SSU72: variants seen among roughly 807,000 people sequenced by gnomAD.
SSU72 encodes the protein RNA polymerase II subunit A C-terminal domain phosphatase SSU72.
Under a neutral mutation model 22.7 loss-of-function variants are expected in SSU72, and 12 were observed. That is an observed-to-expected ratio of 0.53 (90% CI 0.34 to 0.86). The LOEUF (loss-of-function observed/expected upper bound fraction) is 0.86. Among genes scored for constraint, SSU72 ranks in the 40% least tolerant of loss-of-function variants. The pLI is 0.02. For missense variants in SSU72, 151 were observed against 249.8 expected (o/e 0.60, Z 2.67); for synonymous variants, 116 against 98.3 (o/e 1.18, Z -1.06).
intron 1 of SSU72, among the ~76,000 whole-genome samples, chr1:1,569,138 C>T (rs1217307336): frequency 6.6e-6 from 1 of 151,536 alleles, no homozygotes; most frequent in Admixed American, 6.6e-5. Flanking sequence ...CTTGCCACTG[C>T]ACTCCAGCCT....
At chr1:1,555,245 ACT>A (rs1272604311) in intron 2 of SSU72, among the ~76,000 whole-genome samples, 7 of 152,034 alleles carry the variant, frequency 4.6e-5, no homozygotes, top group Admixed American at 4.6e-4. Context: ...CCATGGCAAA[ACT>A]CAAAGCACCG....
intron 2 of SSU72, among the ~76,000 whole-genome samples, chr1:1,559,376 C>T (rs540121804): frequency 9.9e-5 from 15 of 152,260 alleles, no homozygotes; most frequent in Admixed American, 4.6e-4. Context: ...ATTGTGGTGA[C>T]GGCTGCAACT....
At chr1:1,559,885 C>T (rs955120156) in intron 2 of SSU72, among the ~76,000 whole-genome samples, 1 of 152,058 alleles carries the variant, frequency 6.6e-6, no homozygotes, top group South Asian at 2.1e-4. Context: ...CCACGATGGC[C>T]GGCTAATTTT....
At chr1:1,558,985 C>G (rs1642552386) in intron 2 of SSU72, among the ~76,000 whole-genome samples, 1 of 152,224 alleles carries the variant, frequency 6.6e-6, no homozygotes, top group Admixed American at 6.5e-5. Flanking sequence ...TGCAAGAAAG[C>G]TCAACTATGG....
chr1:1,570,716 G>C (rs1473914973), intron 1 of SSU72, among the ~76,000 whole-genome samples: 1 of 152,240 alleles, frequency 6.6e-6, no homozygotes. Flanking sequence ...GCAGACAACA[G>C]AACAAGAGCT....
intron 2 of SSU72, chr1:1,562,015 T>C (rs2100717159): frequency 6.6e-6 from 1 of 152,398 alleles, no homozygotes; most frequent in Middle Eastern, 3.4e-3. Context: ...ACAGTCCCTC[T>C]GTAAAGGAGG....
At chr1:1,564,632 A>G (rs1206516029) in intron 2 of SSU72, 141 bp downstream of exon 2, 3 of 1,613,880 alleles carry the variant, frequency 1.9e-6, no homozygotes, top group Admixed American at 1.7e-5. Flanking sequence ...TGCACCAGGA[A>G]TAGAAACCAA....
At chr1:1,572,235 G>C (rs979150396) in intron 1 of SSU72, among the ~76,000 whole-genome samples, 29 of 145,126 alleles carry the variant, frequency 2.0e-4, no homozygotes, top group African/African-American at 6.7e-4. Context: ...AGACCATCCT[G>C]GCTAACATGG....
intron 1 of SSU72, among the ~76,000 whole-genome samples, chr1:1,573,355 G>T (rs1381167104): frequency 6.6e-6 from 1 of 151,014 alleles, no homozygotes; most frequent in Non-Finnish European, 1.5e-5. Context: ...GCTCGATCTC[G>T]GGAGGCACAA....
chr1:1,558,776 C>T (rs887961437), intron 2 of SSU72, among the ~76,000 whole-genome samples: 3 of 152,162 alleles, frequency 2.0e-5, no homozygotes, highest in African/African-American at 4.8e-5. Flanking sequence ...CCTTTCACAA[C>T]GGCCTCTCCC....
At position 1,564,760 on chromosome 1, in the gene SSU72, C is replaced by T; in HGVS notation, c.224+13G>A. On this transcript the variant is annotated intron_variant, in intron 2 of 4. Transcript: ENST00000291386. Reference sequence around the variant, plus strand: ...CACACGGGGGGTTTTTAAAGGGCAACCCGCTGGGATACAGTTCTTTGTCTT... The same window carrying T: ...CACACGGGGGGTTTTTAAAGGGCAATCCGCTGGGATACAGTTCTTTGTCTT... The T allele has an allele frequency of 1.2e-6, 2 of 1,614,184 alleles. No homozygotes were observed. Among genetic ancestry groups the T allele is most frequent in the Non-Finnish European group, 1.7e-6 (2 of 1,180,022 alleles).
At position 1,541,740 on chromosome 1, in the gene SSU72, G is replaced by T. The variant is rs1449530433; in HGVS notation, c.*326C>A. On this transcript the variant is annotated 3_prime_UTR_variant, in exon 5 of 5. Transcript: ENST00000291386. ...ACACGCCGCAGCAGGGCTCTGTACA[G>T]TCCGGCCCGGTGGGGAGGAGGGAGG... 1.1e-5 allele frequency: 4 copies of T among 373,866 alleles called. No homozygotes were observed. The highest frequency in any genetic ancestry group is 2.2e-5 in the South Asian group (1 of 45,354). The allele number at this position is 373,866 out of a possible 1,614,324, so 23.2% of individuals were successfully genotyped here.
intron 2 of SSU72, among the ~76,000 whole-genome samples, chr1:1,556,792 T>G (rs752009938): frequency 6.6e-6 from 1 of 152,160 alleles, no homozygotes; most frequent in Non-Finnish European, 1.5e-5. Context: ...TGCTGCAGAC[T>G]AGGTGAAAAC....
At position 1,564,896 on chromosome 1, in the gene SSU72, C is replaced by T. The variant is rs1264284183; in HGVS notation, c.101G>A (p.Arg34Gln). ...NILSKRGFSV[R>Q]SFGTGTHVKL... ...CACGTGAGTCCCTGTTCCAAAGGAT[C>T]GGACGCTGAATCCCCGTTTGCTGAA... The change falls in exon 2 of 5, where the codon CGA (arginine) becomes CAA (glutamine). Residue 34 changes from arginine (R) to glutamine (Q), a missense_variant. Transcript: ENST00000291386. 6 of 1,606,206 alleles carry T rather than the reference C, an allele frequency of 3.7e-6. No homozygotes were observed. Among genetic ancestry groups the T allele is most frequent in the Admixed American group, 1.7e-5 (1 of 58,614 alleles).
At chr1:1,573,254 T>C (rs1162898861) in intron 1 of SSU72, among the ~76,000 whole-genome samples, 10 of 98,296 alleles carry the variant, frequency 1.0e-4, no homozygotes, top group African/African-American at 6.6e-4. Flanking sequence ...ACTCCGTCTC[T>C]ACTAAAAATA....
chr1:1,560,394 C>T (rs1642573762), intron 2 of SSU72, among the ~76,000 whole-genome samples: 1 of 152,192 alleles, frequency 6.6e-6, no homozygotes, highest in Non-Finnish European at 1.5e-5. Context: ...GAGCCTCCTG[C>T]CTCGGTCTCC....
chr1:1,557,306 A>G lies in SSU72; in HGVS notation c.224+7467T>C, dbSNP rs550082668. On this transcript the variant is annotated intron_variant, in intron 2 of 4. Transcript: ENST00000291386. Reference sequence around the variant, plus strand: ...TGCATGCCTATAATCCCAGCTACTCAGGAGGCTGAGGCAGGAGAATCGTTT... The same window carrying G: ...TGCATGCCTATAATCCCAGCTACTCGGGAGGCTGAGGCAGGAGAATCGTTT... Among the ~76,000 whole-genome samples the G allele has an allele frequency of 1.6e-3, 246 of 152,184 alleles. 1 individual carries two copies. Among genetic ancestry groups the G allele is most frequent in the African/African-American group, 5.6e-3 (231 of 41,514 alleles).
At chr1:1,552,752 G>A (rs1356491513) in intron 2 of SSU72, among the ~76,000 whole-genome samples, 1 of 152,184 alleles carries the variant, frequency 6.6e-6, no homozygotes, top group Non-Finnish European at 1.5e-5. Context: ...CGGGCGCGGT[G>A]CCTCACTCCT....
At position 1,574,819 on chromosome 1, in the gene SSU72, T is replaced by G; in HGVS notation, c.-262A>C. On this transcript the variant is annotated 5_prime_UTR_variant, in exon 1 of 5. Coordinates refer to ENST00000291386, the MANE Select transcript of SSU72 (RefSeq NM_014188.3). ...GCCAACGCCGCGCCGGCCCCCGGCGTCCGCAGCAGAGACCCGCACTCCACA... is the reference window on the plus strand; with the variant it reads ...GCCAACGCCGCGCCGGCCCCCGGCGGCCGCAGCAGAGACCCGCACTCCACA... 1 of 227,898 alleles carries G rather than the reference T, an allele frequency of 4.4e-6. No individual in the cohort carries two copies. The highest frequency in any genetic ancestry group is 4.4e-5 in the South Asian group (1 of 22,574). The allele number at this position is 227,898 out of a possible 1,614,324, so 14.1% of individuals were successfully genotyped here.
Sources: allele counts gnomAD v4.1 joint callset (sites outside exome capture counted in the v4.1 genomes callset), GRCh38; gene constraint gnomAD v4.1.1; transcripts MANE v1.5; gene names NCBI Gene and HGNC (gene_info 2026-07-23, HGNC 2026-07-21).